STRIP2: variants seen among roughly 807,000 people sequenced by gnomAD.
The protein encoded by STRIP2 is striatin-interacting protein 2.
Under a neutral mutation model 107.1 loss-of-function variants are expected in STRIP2, and 84 were observed. That is an observed-to-expected ratio of 0.78 (90% CI 0.66 to 0.94). STRIP2 has a LOEUF of 0.94. Among genes scored for constraint, STRIP2 ranks in the 40% least tolerant of loss-of-function variants. The probability of loss-of-function intolerance (pLI) is 0.00; values close to 1 mark genes in which losing one functional copy is unlikely to be tolerated. For synonymous variants in STRIP2, 394 were observed against 400.4 expected, an observed-to-expected ratio of 0.98 and a Z score of 0.19; for missense variants, 888 against 1,034.2, an observed-to-expected ratio of 0.86 and a Z score of 1.94.
Position 129,470,659 on chromosome 7 carries a change from CT to C in STRIP2, c.1889del (p.Leu630ArgfsTer39). On this transcript the variant is annotated frameshift_variant, in exon 18 of 21. Transcript: ENST00000249344. LOFTEE classifies it high-confidence loss of function. ...CTCTGCATCTTACAGCATCTCAGTC[CT>C]GGATTATCCTTGCTGTACCATCCAG... ...YITAKNSISV[L>X]DYPCCTIQDL... 1 of 1,613,922 alleles carries C rather than the reference CT, an allele frequency of 6.2e-7. No homozygotes were observed. The highest frequency in any genetic ancestry group is 8.5e-7 in the Non-Finnish European group (1 of 1,179,786).
At chr7:129,438,336 CAAAT>C (rs909836215) in intron 1 of STRIP2, among the ~76,000 whole-genome samples, 37 of 152,032 alleles carry the variant, frequency 2.4e-4, no homozygotes, top group African/African-American at 7.7e-4. Context: ...GTTAAGTAAA[CAAAT>C]AAATGTACAT....
rs1022426704 is a variant in STRIP2 at position 129,457,713 on chromosome 7, T to C, written c.1039-502T>C. On this transcript the variant is annotated intron_variant, in intron 9 of 20. Coordinates refer to ENST00000249344, the MANE Select transcript of STRIP2 (RefSeq NM_020704.3). ...GGGAGAAAAGAAAAATCACCCACAA[T>C]CTTAACAACCAGAGACAGTCACTGT... Among the ~76,000 whole-genome samples, 105 of 152,330 alleles carry C rather than the reference T, an allele frequency of 6.9e-4. 1 individual carries two copies. The highest frequency in any genetic ancestry group is 3.4e-3 in the Middle Eastern group (1 of 294).
chr7:129,454,056 C>A, intron 5 of STRIP2, 86 bp from the exon 6 acceptor site: 2 of 1,265,690 alleles, frequency 1.6e-6, no homozygotes, highest in Non-Finnish European at 2.3e-6. Flanking sequence ...GAATGGCAAG[C>A]ACTCATATTT....
intron 8 of STRIP2, 40 bp downstream of exon 8, chr7:129,455,411 A>G (rs1263162741): frequency 6.3e-7 from 1 of 1,588,046 alleles, no homozygotes; most frequent in Admixed American, 1.8e-5. Flanking sequence ...CAGATCAGCA[A>G]TGCCCTATGC....
chr7:129,483,024 C>A lies in STRIP2; in HGVS notation c.2232C>A (p.Asn744Lys). ...ACCAGAAAGTGCGTCACCGCATGAA[C>A]GATGACTGGGCTTACGGGAATGGTG... ...AIYQKVRHRM[N>K]DDWAYGNDID... The change falls in exon 20 of 21, where the codon AAC becomes AAA. Residue 744 changes from asparagine to lysine, a missense_variant. Asn to Lys is a moderately conservative substitution (Grantham distance 94). Transcript: ENST00000249344. The surrounding 1 kb of genome is among the most constrained non-coding windows in gnomAD (Gnocchi z 5.1). The A allele has an allele frequency of 6.2e-7, 1 of 1,614,202 alleles. No individual in the cohort carries two copies. The highest frequency in any genetic ancestry group is 8.5e-7 in the Non-Finnish European group (1 of 1,180,032).
At chr7:129,467,925 C>T (rs948125524) in intron 17 of STRIP2, among the ~76,000 whole-genome samples, 4 of 152,112 alleles carry the variant, frequency 2.6e-5, no homozygotes, top group Admixed American at 6.5e-5. Flanking sequence ...AGGTATTTCA[C>T]ATTCATTATT....
In STRIP2 at chr7:129,482,822, AC is replaced by A. The variant is rs1231071848; in HGVS notation, c.2050-16del. ...CCAAGAAACGTTAGATCTTTACCCC[AC>A]CCCTCTTTCAATGAACAGATGCTGG... On this transcript the variant is annotated intron_variant, in intron 19 of 20. Transcript: ENST00000249344. 1 of 1,611,482 alleles carries A rather than the reference AC, an allele frequency of 6.2e-7. No homozygotes were observed. The highest frequency in any genetic ancestry group is 1.7e-4 in the Middle Eastern group (1 of 6,054).
Position 129,458,407 on chromosome 7 carries a change from C to T in STRIP2, c.1231C>T (p.Arg411Trp), listed in dbSNP as rs765078355. The change falls in exon 10 of 21, where the codon CGG (arginine) becomes TGG (tryptophan). Residue 411 changes from arginine to tryptophan, a missense_variant. Arg to Trp is a moderately radical substitution (Grantham distance 101). Transcript: ENST00000249344. The surrounding 1 kb of genome is among the most constrained non-coding windows in gnomAD (Gnocchi z 4.6). ...CTCACAGGCACCCCTCTCTGCTGAGCGGGTGGCTTTTCCCAAGGGCCTGCC... is the reference window on the plus strand; with the variant it reads ...CTCACAGGCACCCCTCTCTGCTGAGTGGGTGGCTTTTCCCAAGGGCCTGCC... ...PPSQAPLSAE[R>W]VAFPKGLPWA... The T allele has an allele frequency of 1.1e-5, 17 of 1,611,088 alleles. No individual in the cohort carries two copies. Among genetic ancestry groups the T allele is most frequent in the East Asian group, 4.5e-5 (2 of 44,828 alleles).
chr7:129,454,079 A>G (rs1452876188), intron 5 of STRIP2, 63 bp from the exon 6 acceptor site: 1 of 1,481,698 alleles, frequency 6.7e-7, no homozygotes, highest in African/African-American at 1.4e-5. Context: ...GTGAGTGATA[A>G]GTAAGAGCAC....
At chr7:129,454,019 A>G in intron 5 of STRIP2, 123 bp from the exon 6 acceptor site, 1 of 806,570 alleles carries the variant, frequency 1.2e-6, no homozygotes, top group Non-Finnish European at 2.0e-6. Context: ...ACTCTAGACC[A>G]GTTTCATTAG....
intron 18 of STRIP2, 105 bp from the exon 19 acceptor site, chr7:129,480,680 C>T: frequency 2.4e-6 from 2 of 833,796 alleles, no homozygotes; most frequent in Middle Eastern, 2.5e-4. Flanking sequence ...GGTATTATTT[C>T]ATACAGGAAG....
chr7:129,458,703 T>G lies in STRIP2; in HGVS notation c.1275-9T>G. The G allele has an allele frequency of 6.2e-7, 1 of 1,614,154 alleles. No individual in the cohort carries two copies. Among genetic ancestry groups the G allele is most frequent in the Non-Finnish European group, 8.5e-7 (1 of 1,179,994 alleles). ...TTCTCTGGGATTGGTCTTTCCACCATCCTCTCAGACAGAAGGACATTGAGC... is the reference window on the plus strand; with the variant it reads ...TTCTCTGGGATTGGTCTTTCCACCAGCCTCTCAGACAGAAGGACATTGAGC... On this transcript the variant is annotated splice_polypyrimidine_tract_variant and intron_variant, in intron 10 of 20. Transcript: ENST00000249344. The surrounding 1 kb of genome is among the most constrained non-coding windows in gnomAD (Gnocchi z 4.6).
chr7:129,439,142 C>G (rs988825012), intron 1 of STRIP2, among the ~76,000 whole-genome samples: 1 of 152,174 alleles, frequency 6.6e-6, no homozygotes, highest in Admixed American at 6.5e-5. Flanking sequence ...CTCCGTCTTT[C>G]CTAACATAAG....
At chr7:129,464,587 C>A in intron 15 of STRIP2, 25 bp from the exon 16 acceptor site, 1 of 1,613,676 alleles carries the variant, frequency 6.2e-7, no homozygotes, top group Non-Finnish European at 8.5e-7. Flanking sequence ...ACTCTCTGCA[C>A]TAATACCTTC....
chr7:129,482,377 ATTTTTTT>A (rs869099836), intron 19 of STRIP2, among the ~76,000 whole-genome samples: 14 of 69,022 alleles, frequency 2.0e-4, no homozygotes, highest in African/African-American at 7.7e-4. Context: ...ATATATATAT[ATTTTTTT>A]TTTTTTTTTT....
Position 129,455,264 on chromosome 7 carries a change from G to A in STRIP2, c.727G>A (p.Glu243Lys), listed in dbSNP as rs746730562. The change falls in exon 8 of 21, where the codon GAG becomes AAG. Residue 243 changes from glutamate to lysine, a missense_variant. Transcript: ENST00000249344. Reference sequence around the variant, plus strand: ...CCTAGGCTTCTCCATGCATAATGAGGAGCCTTTTGCCCTTTTACTCTTCTC... The same window carrying A: ...CCTAGGCTTCTCCATGCATAATGAGAAGCCTTTTGCCCTTTTACTCTTCTC... The part of the protein sequence containing the change: ...TELSFSMHNE[E>K]PFALLLFSMV... The A allele has an allele frequency of 2.5e-6, 4 of 1,613,292 alleles. No homozygotes were observed. The highest frequency in any genetic ancestry group is 1.3e-5 in the African/African-American group (1 of 74,854).
In STRIP2 at chr7:129,434,452, G is replaced by A. The variant is rs1307725476; in HGVS notation, c.-21G>A. Reference sequence around the variant, plus strand: ...TCCGGCAAAGCGAGCTGAACCCTGAGGGGAGCCGCTGACCAGCAGCATGGA... The same window carrying A: ...TCCGGCAAAGCGAGCTGAACCCTGAAGGGAGCCGCTGACCAGCAGCATGGA... On this transcript the variant is annotated 5_prime_UTR_variant, in exon 1 of 21. Coordinates refer to ENST00000249344, the MANE Select transcript of STRIP2 (RefSeq NM_020704.3). 1.3e-6 allele frequency: 2 copies of A among 1,497,678 alleles called. No homozygotes were observed. The highest frequency in any genetic ancestry group is 1.8e-6 in the Non-Finnish European group (2 of 1,130,184). 92.8% of individuals were successfully genotyped at this position (1,497,678 alleles called of 1,614,324 possible).
intron 18 of STRIP2, among the ~76,000 whole-genome samples, chr7:129,476,156 C>G (rs1798925044): frequency 1.3e-5 from 2 of 150,472 alleles, no homozygotes; most frequent in South Asian, 2.1e-4. Flanking sequence ...GAGGTGCCCC[C>G]CTCCTCCCGG....
At chr7:129,450,555 A>G (rs1798156835) in intron 3 of STRIP2, among the ~76,000 whole-genome samples, 1 of 152,226 alleles carries the variant, frequency 6.6e-6, no homozygotes, top group Non-Finnish European at 1.5e-5. Flanking sequence ...TTTCAGTTCA[A>G]CAAATGTGTG....
Sources: gnomAD v4.1 joint callset for allele counts (sites outside exome capture counted in the v4.1 genomes callset) on GRCh38, gnomAD v4.1.1 for gene constraint, Gnocchi (gnomAD v3.1) non-coding constraint, MANE v1.5 for transcripts, NCBI Gene and HGNC (gene_info 2026-07-23, HGNC 2026-07-21) for gene names.